The following FN3K variants were observed in gnomAD, a reference collection of about 807,000 sequenced individuals.
FN3K encodes the protein fructosamine-3-kinase.
FN3K carries 24 observed loss-of-function variants against 24.8 expected under a neutral mutation model. That is an observed-to-expected ratio of 0.97 (90% CI 0.70 to 1.36). The LOEUF (loss-of-function observed/expected upper bound fraction) is 1.36, where lower values mean the gene tolerates loss of function less well. FN3K is among the 40% of genes most tolerant of loss of function. FN3K has a pLI of 0.00. For missense variants in FN3K, 449 were observed against 416.7 expected (o/e 1.08, Z -0.67); for synonymous variants, 192 against 175.2 (o/e 1.10, Z -0.76).
At chr17:82,736,051 G>T in intron 1 of FN3K, 2 of 429,582 alleles carry the variant, frequency 4.7e-6, no homozygotes, top group Non-Finnish European at 8.4e-6. Flanking sequence ...GGGGATGTGA[G>T]GCTTGGGGTC....
In FN3K at chr17:82,750,753, T is replaced by G. The variant is rs1240402912; in HGVS notation, c.928T>G (p.Ter310GluextTer139). Residue 310 changes from the stop codon to glutamate, a stop_lost, in exon 6 of 6, where the codon TAG becomes GAG. Coordinates refer to ENST00000300784, the MANE Select transcript of FN3K (RefSeq NM_022158.4). ...GGGCACCATGCGAAGGCTGCTCAAG[T>G]AGCGGCCCCTGCCCTCCCTTCCCCT... ...SLGTMRRLLK[*>E] The G allele has an allele frequency of 6.2e-7, 1 of 1,610,544 alleles. No individual in the cohort carries two copies. The highest frequency in any genetic ancestry group is 1.3e-5 in the African/African-American group (1 of 74,744).
At chr17:82,738,816 C>T (rs7208565) in intron 2 of FN3K, among the ~76,000 whole-genome samples, 176 bp downstream of exon 2, 48,723 of 150,962 alleles carry the variant, frequency 0.32, 8,082 homozygotes, top group East Asian at 0.49. Context: ...CCAAGAGTTC[C>T]ACCCTGCCAT....
rs770467286 is a variant in FN3K, at chr17:82,735,743, G to A, written c.107G>A (p.Gly36Asp). Residue 36 changes from glycine (G) to aspartate (D), a missense_variant, in exon 1 of 6, where the codon GGC (glycine) becomes GAC (aspartate). Coordinates refer to ENST00000300784, the MANE Select transcript of FN3K (RefSeq NM_022158.4). ...GGCCGAGCCTACGACACGGACGCAG[G>A]CCCAGTGTTCGTCAAAGTCAACCGC... ...SEGRAYDTDA[G>D]PVFVKVNRRT... is the part of the protein sequence containing the mutation. 3 of 1,562,538 alleles carry A rather than the reference G, an allele frequency of 1.9e-6. No individual in the cohort carries two copies. The African/African-American group carries it at 4.0e-5, about 21-fold the overall frequency.
intron 2 of FN3K, among the ~76,000 whole-genome samples, chr17:82,739,902 T>TC (rs1401723870): frequency 2.6e-5 from 4 of 150,952 alleles, no homozygotes; most frequent in African/African-American, 9.8e-5. Flanking sequence ...GCTTTTTCTT[T>TC]CCTTTTTTTT....
intron 4 of FN3K, chr17:82,741,633 C>G: frequency 2.1e-6 from 1 of 478,462 alleles, no homozygotes; most frequent in South Asian, 2.0e-5. Context: ...GAGCGAGCCT[C>G]AAGTGCAAAG....
At position 82,750,240 on chromosome 17, in the gene FN3K, G is replaced by A. The variant is rs571901476; in HGVS notation, c.592-177G>A. ...GACCTAAATTAGGAGGAAATCCTAA[G>A]TTAGACAAAGCTAGACTCCCCTGAA... On this transcript the variant is annotated intron_variant, in intron 5 of 5. Coordinates refer to ENST00000300784, the MANE Select transcript of FN3K (RefSeq NM_022158.4). 2.4e-4 allele frequency among the ~76,000 whole-genome samples: 37 copies of A among 152,296 alleles called. No homozygotes were observed. In the South Asian group the frequency reaches 6.8e-3, roughly 28 times the overall value.
In FN3K at chr17:82,750,781, C is replaced by T; in HGVS notation, c.*26C>T. The T allele has an allele frequency of 1.3e-6, 2 of 1,574,896 alleles. No homozygotes were observed. The highest frequency in any genetic ancestry group is 1.7e-6 in the Non-Finnish European group (2 of 1,157,252). On this transcript the variant is annotated 3_prime_UTR_variant, in exon 6 of 6. Transcript: ENST00000300784. ...CGGCCCCTGCCCTCCCTTCCCCTGTCCCCGTCCCCGTCTCCGTCTCCCCGT... is the reference window on the plus strand; with the variant it reads ...CGGCCCCTGCCCTCCCTTCCCCTGTTCCCGTCCCCGTCTCCGTCTCCCCGT...
chr17:82,745,867 G>A (rs1271264363), intron 4 of FN3K, among the ~76,000 whole-genome samples: 5 of 152,110 alleles, frequency 3.3e-5, no homozygotes, highest in Non-Finnish European at 7.4e-5. Context: ...GCTGAGGCGG[G>A]TGGATCACAA....
intron 1 of FN3K, 79 bp from the exon 2 acceptor site, chr17:82,738,410 G>T: frequency 6.3e-7 from 1 of 1,586,720 alleles, no homozygotes. Flanking sequence ...ACTCCCACGT[G>T]GTAGCTTCTG....
rs2046984595 is a variant in FN3K at position 82,748,945 on chromosome 17, CGA to C, written c.563_564del (p.Glu188GlyfsTer37). 6.2e-7 allele frequency: 1 copy of C among 1,614,036 alleles called. No individual in the cohort carries two copies. The highest frequency in any genetic ancestry group is 1.1e-5 in the South Asian group (1 of 91,076). On this transcript the variant is annotated frameshift_variant, in exon 5 of 6. Transcript: ENST00000300784. LOFTEE classifies it low-confidence loss of function (END_TRUNC). ...CCTCATTGAGAAGGACTATGCTGAC[CGA>C]GAGGCACGAGAACTCTGGTCCCGGC... Reference protein sequence around the residue: ...LDLIEKDYADREARELWSRLQ... With the variant: ...LDLIEKDYADXEARELWSRLQ...
intron 1 of FN3K, chr17:82,736,157 G>T: frequency 4.2e-6 from 1 of 239,400 alleles, no homozygotes; most frequent in Non-Finnish European, 8.2e-6. Flanking sequence ...GGGACCCCAC[G>T]GGCCAGGCCA....
intron 5 of FN3K, among the ~76,000 whole-genome samples, chr17:82,750,116 A>G (rs2046994108): frequency 8.6e-6 from 1 of 115,956 alleles, no homozygotes; most frequent in Non-Finnish European, 2.1e-5. Context: ...AGCGAAATAA[A>G]AGTGGCCAGA....
chr17:82,750,294 C>A, intron 5 of FN3K, 123 bp from the exon 6 acceptor site: 1 of 848,648 alleles, frequency 1.2e-6, no homozygotes, highest in Non-Finnish European at 2.0e-6. Context: ...CTGGGCTTGG[C>A]AGGCAGTGCT....
At chr17:82,744,624 A>AGG (rs2082045205) in intron 4 of FN3K, among the ~76,000 whole-genome samples, 1 of 85,184 alleles carries the variant, frequency 1.2e-5, no homozygotes. Flanking sequence ...GACAAAGTAT[A>AGG]GAGAGAAATA....
Position 82,750,552 on chromosome 17 carries a change from G to A in FN3K, c.727G>A (p.Glu243Lys). 3 of 1,614,114 alleles carry A rather than the reference G, an allele frequency of 1.9e-6. No individual in the cohort carries two copies. Among genetic ancestry groups the A allele is most frequent in the Non-Finnish European group, 2.5e-6 (3 of 1,180,008 alleles). ...YDPASFYGHSEFELAIALMFG... is the reference protein window; with the variant it reads ...YDPASFYGHSKFELAIALMFG... ...CCCGGCTTCCTTCTATGGCCATTCC[G>A]AGTTTGAACTGGCAATCGCCTTGAT... The change falls in exon 6 of 6, where the codon GAG (glutamate) becomes AAG (lysine). Residue 243 changes from glutamate to lysine, a missense_variant. By Grantham distance (56) the Glu-to-Lys change is moderately conservative (BLOSUM62 1). Transcript: ENST00000300784.
rs1236329016 is a variant in FN3K, at chr17:82,735,687, C to T, written c.51C>T (p.Phe17=). 1.3e-6 allele frequency: 2 copies of T among 1,541,802 alleles called. No homozygotes were observed. Among genetic ancestry groups the T allele is most frequent in the East Asian group, 2.4e-5 (1 of 40,962 alleles). The change falls in exon 1 of 6, where the codon TTC becomes TTT. Residue 17 remains phenylalanine, a synonymous_variant. Coordinates refer to ENST00000300784, the MANE Select transcript of FN3K (RefSeq NM_022158.4). ...TGCGCACCGCGACCCTGCGGGCCTT[C>T]GGCGGCCCCGGCGCCGGCTGCATCA... The part of the protein sequence containing the change: ...AELRTATLRA[F]GGPGAGCISE...
intron 2 of FN3K, among the ~76,000 whole-genome samples, chr17:82,739,765 G>A (rs1257441193): frequency 1.3e-5 from 2 of 152,032 alleles, no homozygotes; most frequent in Admixed American, 6.6e-5. Context: ...CCTAATTTTT[G>A]TATTTTTAGT....
chr17:82,742,419 C>A (rs1175987465), intron 4 of FN3K, among the ~76,000 whole-genome samples: 1 of 152,164 alleles, frequency 6.6e-6, no homozygotes, highest in East Asian at 1.9e-4. Flanking sequence ...CTGGCAACCT[C>A]TAATGTACCT....
At chr17:82,750,347 T>C in intron 5 of FN3K, 70 bp from the exon 6 acceptor site, 4 of 1,402,126 alleles carry the variant, frequency 2.9e-6, no homozygotes, top group Non-Finnish European at 4.0e-6. Flanking sequence ...CTTTGCCTTA[T>C]TTCCAAGAAC....
Sources: allele counts gnomAD v4.1 joint callset (sites outside exome capture counted in the v4.1 genomes callset), GRCh38; gene constraint gnomAD v4.1.1; transcripts MANE v1.5; gene names NCBI Gene and HGNC (gene_info 2026-07-23, HGNC 2026-07-21).